The following CNTROB variants were observed in gnomAD, a reference collection of about 807,000 sequenced individuals.
CNTROB encodes centrobin.
CNTROB carries 82 observed loss-of-function variants against 115.7 expected under a neutral mutation model. The ratio of observed to expected loss-of-function variants is 0.71; its 90% confidence interval spans 0.59 to 0.85. The LOEUF is 0.85. CNTROB is among the 40% of genes least tolerant of loss of function. The probability of loss-of-function intolerance (pLI) is 0.00; values close to 1 mark genes in which losing one functional copy is unlikely to be tolerated. For synonymous variants in CNTROB, 439 were observed against 456.4 expected, an observed-to-expected ratio of 0.96 and a Z score of 0.49; for missense variants, 1,014 against 1,144.4, an observed-to-expected ratio of 0.89 and a Z score of 1.64.
chr17:7,949,277 T>C (rs1411463972), intron 18 of CNTROB, 108 bp from the exon 19 acceptor site: 1 of 1,579,176 alleles, frequency 6.3e-7, no homozygotes, highest in East Asian at 2.2e-5. Context: ...GCATGGCCTT[T>C]CCTCCCTGCA....
rs377545407 is a variant in CNTROB at position 7,933,287 on chromosome 17, G to A, written c.208G>A (p.Gly70Ser). The change falls in exon 1 of 19, where the codon GGC becomes AGC. Residue 70 changes from glycine to serine, a missense_variant. Transcript: ENST00000563694. ...CTCCCCGCCTCATGAAGGGTTAGAC[G>A]GCTTCGCCCAAGAATTGAGTCGAAG... ...STSPPHEGLD[G>S]FAQELSRSLS... 325 of 1,614,100 alleles carry A rather than the reference G, an allele frequency of 2.0e-4. No homozygotes were observed. The highest frequency in any genetic ancestry group is 2.7e-4 in the Non-Finnish European group (316 of 1,180,036).
intron 13 of CNTROB, 53 bp from the exon 14 acceptor site, chr17:7,947,517 GC>G: frequency 6.7e-7 from 1 of 1,493,066 alleles, no homozygotes; most frequent in South Asian, 1.4e-5. Flanking sequence ...TTGTGGAGAA[GC>G]CCCTTCCCCC....
chr17:7,942,596 C>CAAAAA (rs377086554), intron 9 of CNTROB, among the ~76,000 whole-genome samples: 3 of 56,474 alleles, frequency 5.3e-5, no homozygotes, highest in Non-Finnish European at 9.2e-5. Context: ...GACTCCATCT[C>CAAAAA]AAAAAAAAAA....
At position 7,934,985 on chromosome 17, in the gene CNTROB, T is replaced by C. The variant is rs914994550; in HGVS notation, c.438-4T>C. ...CCCTAACATTCTCTACCTGATTTGC[T>C]CAGCACCCGGCCCCTGCAAGACTTG... On this transcript the variant is annotated splice_polypyrimidine_tract_variant and splice_region_variant and intron_variant, in intron 3 of 18. Transcript: ENST00000563694. The C allele has an allele frequency of 6.3e-7, 1 of 1,576,814 alleles. No homozygotes were observed.
chr17:7,945,563 C>T lies in CNTROB; in HGVS notation c.1735-165C>T, dbSNP rs58908329. 5.6e-4 allele frequency: 392 copies of T among 700,836 alleles called. 2 individuals carry two copies. In the African/African-American group the frequency reaches 6.4e-3, roughly 11 times the overall value. The allele number at this position is 700,836 out of a possible 1,614,324, so 43.4% of individuals were successfully genotyped here. A position where few individuals can be genotyped will look rare whatever the true frequency, so the allele number is the denominator to read the frequency against. On this transcript the variant is annotated intron_variant, in intron 12 of 18. Coordinates refer to ENST00000563694, the MANE Select transcript of CNTROB (RefSeq NM_053051.5). ...GATGGCATCTCTCTATGTTGCCAAG[C>T]CTGGTTCAAACTGCCAGCCTCAAAC...
At chr17:7,936,278 C>G (rs1250833215) in intron 4 of CNTROB, 88 bp from the exon 5 acceptor site, 3 of 764,030 alleles carry the variant, frequency 3.9e-6, no homozygotes, top group Non-Finnish European at 4.9e-6. Context: ...TGGCTCCAGC[C>G]CACTCCCCCA....
chr17:7,949,594 C>A lies in CNTROB; in HGVS notation c.*84C>A. The A allele has an allele frequency of 7.2e-7, 1 of 1,385,718 alleles. No homozygotes were observed. The highest frequency in any genetic ancestry group is 9.5e-7 in the Non-Finnish European group (1 of 1,050,864). The allele number at this position is 1,385,718 out of a possible 1,614,324, so 85.8% of individuals were successfully genotyped here. On this transcript the variant is annotated 3_prime_UTR_variant, in exon 19 of 19. Transcript: ENST00000563694. Reference sequence around the variant, plus strand: ...TTAGTCTGTATCAGAGTCTCTGGCTCATAGGAATTTGGAAAATAGAGGTTT... The same window carrying A: ...TTAGTCTGTATCAGAGTCTCTGGCTAATAGGAATTTGGAAAATAGAGGTTT...
intron 13 of CNTROB, among the ~76,000 whole-genome samples, chr17:7,946,988 G>A (rs969803306): frequency 2.6e-5 from 4 of 151,790 alleles, no homozygotes; most frequent in Non-Finnish European, 5.9e-5. Context: ...GTGAAACCCC[G>A]TCTCTACTAA....
chr17:7,939,762 G>T lies in CNTROB; in HGVS notation c.1164+13G>T, dbSNP rs1319954597. On this transcript the variant is annotated intron_variant, in intron 8 of 18. Coordinates refer to ENST00000563694, the MANE Select transcript of CNTROB (RefSeq NM_053051.5). This position sits in a 1 kb window ranked among gnomAD's most constrained non-coding sequence, Gnocchi z 4.4. Reference sequence around the variant, plus strand: ...GGAAAGGGAGAAGGTAAAAGTGGCAGTTGGAAGAGCTGAGGAACTAGGGAG... The same window carrying T: ...GGAAAGGGAGAAGGTAAAAGTGGCATTTGGAAGAGCTGAGGAACTAGGGAG... 6.2e-7 allele frequency: 1 copy of T among 1,611,752 alleles called. No individual in the cohort carries two copies. The highest frequency in any genetic ancestry group is 1.3e-5 in the African/African-American group (1 of 74,866).
chr17:7,938,350 A>T (rs570078126), intron 7 of CNTROB, among the ~76,000 whole-genome samples: 1 of 152,272 alleles, frequency 6.6e-6, no homozygotes, highest in Non-Finnish European at 1.5e-5. Flanking sequence ...GTGATTAGCC[A>T]TATGAATTAG....
chr17:7,938,001 G>GTTTTTT lies in CNTROB; in HGVS notation c.927+753_927+758dup, dbSNP rs368082295. On this transcript the variant is annotated intron_variant, in intron 7 of 18. Coordinates refer to ENST00000563694, the MANE Select transcript of CNTROB (RefSeq NM_053051.5). The stretch of plus-strand genomic sequence containing the variant: ...TTGACTAACTCAAGTTTCTTTTCGT[G>GTTTTTT]TTTTTTTTTTTTTTTTTTTGAGACA... 1.3e-3 allele frequency among the ~76,000 whole-genome samples: 140 copies of GTTTTTT among 104,296 alleles called. 7 individuals are homozygous for GTTTTTT. The highest frequency in any genetic ancestry group is 4.3e-3 in the African/African-American group (111 of 25,572). 68.4% of individuals were successfully genotyped at this position (104,296 alleles called of 152,430 possible).
chr17:7,933,319 A>T lies in CNTROB; in HGVS notation c.240A>T (p.Ser80=). Residue 80 remains serine (S), a synonymous_variant, in exon 1 of 19, where the codon TCA becomes TCT. Coordinates refer to ENST00000563694, the MANE Select transcript of CNTROB (RefSeq NM_053051.5). ...CCCAAGAATTGAGTCGAAGCTTGTC[A>T]GTCGGATTGGAAAAGAACTTGAAGA... The part of the protein sequence containing the change: ...GFAQELSRSL[S]VGLEKNLKKK... 1.2e-6 allele frequency: 2 copies of T among 1,613,952 alleles called. No homozygotes were observed. Among genetic ancestry groups the T allele is most frequent in the Non-Finnish European group, 1.7e-6 (2 of 1,179,932 alleles).
chr17:7,945,478 A>C (rs1974421269), intron 12 of CNTROB: 3 of 414,954 alleles, frequency 7.2e-6, no homozygotes, highest in African/African-American at 4.0e-5. Flanking sequence ...CAGCTTCCTG[A>C]GTAGCTGGGA....
At chr17:7,936,293 A>G (rs748209270) in intron 4 of CNTROB, 73 bp from the exon 5 acceptor site, 1 of 778,670 alleles carries the variant, frequency 1.3e-6, no homozygotes, top group Admixed American at 1.7e-5. Flanking sequence ...CCCCCACTAG[A>G]GGAGCTGGAA....
At chr17:7,946,591 G>T (rs995371949) in intron 13 of CNTROB, among the ~76,000 whole-genome samples, 1 of 152,214 alleles carries the variant, frequency 6.6e-6, no homozygotes, top group Non-Finnish European at 1.5e-5. Context: ...GATGGGGCCG[G>T]GTGCAGTGGC....
In CNTROB at chr17:7,933,151, C is replaced by T. The variant is rs771819394; in HGVS notation, c.72C>T (p.Pro24=). ...ATCTCCTGAGTGATTCATCAGAACC[C>T]CCTGGGCTCAACCAAGTGTCGTCTG... ...AEDLLSDSSE[P]PGLNQVSSEV... The change falls in exon 1 of 19, where the codon CCC becomes CCT. Residue 24 remains proline, a synonymous_variant. Coordinates refer to ENST00000563694, the MANE Select transcript of CNTROB (RefSeq NM_053051.5). The T allele has an allele frequency of 6.2e-7, 1 of 1,614,104 alleles. No homozygotes were observed. Among genetic ancestry groups the T allele is most frequent in the Non-Finnish European group, 8.5e-7 (1 of 1,180,056 alleles).
rs1172443184 is a variant in CNTROB, at chr17:7,945,950, C to T, written c.1957C>T (p.Pro653Ser). 3.1e-6 allele frequency: 5 copies of T among 1,613,978 alleles called. No individual in the cohort carries two copies. The African/African-American group carries it at 6.7e-5, about 22-fold the overall frequency. Residue 653 changes from proline (P) to serine (S), a missense_variant, in exon 13 of 19, where the codon CCC becomes TCC. Coordinates refer to ENST00000563694, the MANE Select transcript of CNTROB (RefSeq NM_053051.5). Reference sequence around the variant, plus strand: ...TTTTCAGAGCCAGCATTCTTTCCAGCCCCTGGAGCCCAAACCAGACCTCAC... The same window carrying T: ...TTTTCAGAGCCAGCATTCTTTCCAGTCCCTGGAGCCCAAACCAGACCTCAC... ...PSFQSQHSFQ[P>S]LEPKPDLTSS...
chr17:7,937,281 G>T lies in CNTROB; in HGVS notation c.927+19G>T. The T allele has an allele frequency of 6.2e-7, 1 of 1,613,602 alleles. No homozygotes were observed. Among genetic ancestry groups the T allele is most frequent in the Non-Finnish European group, 8.5e-7 (1 of 1,179,656 alleles). On this transcript the variant is annotated intron_variant, in intron 7 of 18. Coordinates refer to ENST00000563694, the MANE Select transcript of CNTROB (RefSeq NM_053051.5). ...GACACTGGTGAGAAGATTGGACTGG[G>T]TTAATTCCACTGGAAGCTGTTAATT...
Position 7,949,692 on chromosome 17 carries a change from A to T in CNTROB, c.*182A>T. The T allele has an allele frequency of 2.0e-6, 1 of 512,762 alleles. No individual in the cohort carries two copies. Among genetic ancestry groups the T allele is most frequent in the Non-Finnish European group, 3.2e-6 (1 of 310,572 alleles). The allele number at this position is 512,762 out of a possible 1,614,324, so 31.8% of individuals were successfully genotyped here. ...TTTATATGTTACATGTTTATATGTC[A>T]TTTCCTGTGGGAAAAGACATGAATG... is the stretch of plus-strand genomic sequence containing the variant. On this transcript the variant is annotated 3_prime_UTR_variant, in exon 19 of 19. Transcript: ENST00000563694.
Sources: allele counts gnomAD v4.1 joint callset (sites outside exome capture counted in the v4.1 genomes callset), GRCh38; gene constraint gnomAD v4.1.1; non-coding constraint Gnocchi (gnomAD v3.1); transcripts MANE v1.5; gene names NCBI Gene and HGNC (gene_info 2026-07-23, HGNC 2026-07-21).